Variants in KCNIP4 observed in about 807,000 individuals in gnomAD.
KCNIP4 encodes potassium voltage-gated channel interacting protein 4.
Under a neutral mutation model 34.0 loss-of-function variants are expected in KCNIP4, and 12 were observed. The observed-to-expected ratio is 0.35, with a 90% CI of 0.23 to 0.57. The LOEUF (loss-of-function observed/expected upper bound fraction) is 0.57. Ranked by LOEUF, KCNIP4 falls within the 20% of genes least tolerant of loss-of-function variation. The pLI, the probability that KCNIP4 is intolerant of heterozygous loss-of-function variation, is 0.83. For missense variants in KCNIP4, 238 were observed against 311.7 expected (o/e 0.76, Z 1.78); for synonymous variants, 124 against 102.2 (o/e 1.21, Z -1.29).
intron 1 of KCNIP4, among the ~76,000 whole-genome samples, chr4:21,092,333 A>C (rs1290803610): frequency 6.6e-6 from 1 of 152,060 alleles, no homozygotes; most frequent in South Asian, 2.1e-4. Context: ...TTAAAGAACG[A>C]ATGTCTCTAT....
At chr4:21,638,776 A>C (rs77253921) in intron 1 of KCNIP4, among the ~76,000 whole-genome samples, 8,733 of 152,256 alleles carry the variant, frequency 0.057, 680 homozygotes, top group East Asian at 0.18. Flanking sequence ...ACCTGAATGC[A>C]TGATTGTGTG....
At chr4:20,984,073 C>G in intron 1 of KCNIP4, 1 of 1,321,296 alleles carries the variant, frequency 7.6e-7, no homozygotes. Flanking sequence ...GCAAAGCCGG[C>G]GGCCCCCCGG....
At position 20,815,749 on chromosome 4, in the gene KCNIP4, A is replaced by G. The variant is rs146087548; in HGVS notation, c.288+34794T>C. On this transcript the variant is annotated intron_variant, in intron 3 of 8. Transcript: ENST00000382152. The stretch of plus-strand genomic sequence containing the variant: ...TATCAATATTAATGATAAAAATCAC[A>G]ACTAACATTTAGACGGTAGCATGTA... Among the ~76,000 whole-genome samples the G allele has an allele frequency of 3.2e-3, 489 of 152,332 alleles. 1 individual carries two copies. The highest frequency in any genetic ancestry group is 7.7e-3 in the Admixed American group (118 of 15,302).
intron 2 of KCNIP4, among the ~76,000 whole-genome samples, chr4:20,882,101 T>A (rs1483243687): frequency 6.6e-6 from 1 of 152,198 alleles, no homozygotes; most frequent in Non-Finnish European, 1.5e-5. Flanking sequence ...TTGGTTCTGT[T>A]TTTCTAGAGA....
chr4:21,716,060 C>A (rs1714349537), intron 1 of KCNIP4, among the ~76,000 whole-genome samples: 1 of 152,098 alleles, frequency 6.6e-6, no homozygotes, highest in Admixed American at 6.6e-5. Context: ...GAATTAGCAT[C>A]ACCATTAAAA....
intron 1 of KCNIP4, among the ~76,000 whole-genome samples, chr4:21,402,162 T>A (rs1723611429): frequency 6.6e-6 from 1 of 152,188 alleles, no homozygotes; most frequent in Non-Finnish European, 1.5e-5. Flanking sequence ...TGAGAAAAAA[T>A]TATTTGTCTT....
chr4:21,453,055 G>T (rs1431180950), intron 1 of KCNIP4, among the ~76,000 whole-genome samples: 3 of 151,896 alleles, frequency 2.0e-5, no homozygotes, highest in African/African-American at 7.3e-5. Flanking sequence ...ATTCCTTATG[G>T]CCAGTCATTT....
intron 1 of KCNIP4, among the ~76,000 whole-genome samples, chr4:21,170,181 C>T (rs139532094): frequency 0.018 from 2,738 of 152,124 alleles, 84 homozygotes; most frequent in African/African-American, 0.061. Context: ...TCCCCATTCA[C>T]GGAGTTCTAT....
intron 1 of KCNIP4, among the ~76,000 whole-genome samples, chr4:20,968,970 T>A (rs1271752959): frequency 6.6e-6 from 1 of 152,170 alleles, no homozygotes; most frequent in African/African-American, 2.4e-5. Flanking sequence ...CTCTCTCTAC[T>A]GCCTCCCTGC....
chr4:20,782,620 C>T (rs1330860542), intron 3 of KCNIP4, among the ~76,000 whole-genome samples: 1 of 152,056 alleles, frequency 6.6e-6, no homozygotes, highest in Non-Finnish European at 1.5e-5. Context: ...AGCTGGGATG[C>T]AGGGCACCAA....
At chr4:21,736,575 C>T (rs566467207) in intron 1 of KCNIP4, among the ~76,000 whole-genome samples, 1 of 152,156 alleles carries the variant, frequency 6.6e-6, no homozygotes, top group African/African-American at 2.4e-5. Context: ...TTTATGCTAT[C>T]ATCCCATTCC....
rs551512657 is a variant in KCNIP4, at chr4:21,142,007, G to A, written c.62-259298C>T. 5.3e-5 allele frequency among the ~76,000 whole-genome samples: 8 copies of A among 151,542 alleles called. No homozygotes were observed. The East Asian group carries it at 5.9e-4, about 11-fold the overall frequency. On this transcript the variant is annotated intron_variant, in intron 1 of 8. Coordinates refer to ENST00000382152, the MANE Select transcript of KCNIP4 (RefSeq NM_025221.6). Reference sequence around the variant, plus strand: ...TCTACTAAAAATACTAAAAATTTGCGAGGTGTGGTGGTGTGCGCCTGTAAT... The same window carrying A: ...TCTACTAAAAATACTAAAAATTTGCAAGGTGTGGTGGTGTGCGCCTGTAAT...
At chr4:21,342,697 T>C (rs1485996634) in intron 1 of KCNIP4, among the ~76,000 whole-genome samples, 4 of 151,962 alleles carry the variant, frequency 2.6e-5, no homozygotes, top group Admixed American at 2.6e-4. Context: ...ACTAATTTCA[T>C]ATATGAAACA....
intron 1 of KCNIP4, among the ~76,000 whole-genome samples, chr4:21,009,846 A>T (rs1443483378): frequency 6.6e-6 from 1 of 152,174 alleles, no homozygotes; most frequent in Admixed American, 6.5e-5. Flanking sequence ...CTTCCTTCTC[A>T]TTCAACCGTC....
chr4:21,944,552 G>A (rs1430757239), intron 1 of KCNIP4, among the ~76,000 whole-genome samples: 9 of 76,288 alleles, frequency 1.2e-4, no homozygotes, highest in Non-Finnish European at 1.9e-4. Flanking sequence ...ATGAGACTCC[G>A]TCTCAAAAAA....
At chr4:20,972,406 G>A (rs1560612460) in intron 1 of KCNIP4, among the ~76,000 whole-genome samples, 1 of 152,076 alleles carries the variant, frequency 6.6e-6, no homozygotes, top group African/African-American at 2.4e-5. Context: ...AGGGGCTGAA[G>A]AATGGATGTT....
chr4:21,118,000 T>C (rs548470567), intron 1 of KCNIP4, among the ~76,000 whole-genome samples: 1 of 152,258 alleles, frequency 6.6e-6, no homozygotes, highest in Admixed American at 6.5e-5. Context: ...ATAAAGTGAC[T>C]AAGAAATTCA....
chr4:21,371,043 G>GTA (rs1720399779), intron 1 of KCNIP4, among the ~76,000 whole-genome samples: 1 of 141,316 alleles, frequency 7.1e-6, no homozygotes, highest in Non-Finnish European at 1.5e-5. Context: ...TGTCTGGTGG[G>GTA]GGTAGGGGTG....
chr4:21,343,960 T>C (rs1717030859), intron 1 of KCNIP4, among the ~76,000 whole-genome samples: 1 of 152,096 alleles, frequency 6.6e-6, no homozygotes, highest in South Asian at 2.1e-4. Context: ...AAAGTCACAG[T>C]TAGTAAATAA....
Sources: allele counts gnomAD v4.1 joint callset (sites outside exome capture counted in the v4.1 genomes callset), GRCh38; gene constraint gnomAD v4.1.1; transcripts MANE v1.5; gene names NCBI Gene and HGNC (gene_info 2026-07-23, HGNC 2026-07-21).